OSBPL2: variants seen among roughly 807,000 people sequenced by gnomAD.
The protein encoded by OSBPL2 is oxysterol-binding protein-related protein 2.
Under a neutral mutation model 58.4 loss-of-function variants are expected in OSBPL2, and 18 were observed. The observed-to-expected ratio is 0.31, with a 90% confidence interval of 0.21 to 0.46. The LOEUF (loss-of-function observed/expected upper bound fraction) is 0.46, where lower values mean the gene tolerates loss of function less well. Ranked by LOEUF, OSBPL2 falls within the 20% of genes least tolerant of loss-of-function variation. The probability of loss-of-function intolerance (pLI) is 1.00; values close to 1 mark genes in which losing one functional copy is unlikely to be tolerated. For synonymous variants in OSBPL2, 221 were observed against 234.1 expected (o/e 0.94, Z 0.51); for missense variants, 461 against 616.5 (o/e 0.75, Z 2.67).
chr20:62,271,975 C>G, intron 4 of OSBPL2, 150 bp from the exon 5 acceptor site: 1 of 813,884 alleles, frequency 1.2e-6, no homozygotes, highest in Non-Finnish European at 2.0e-6. Context: ...GCCGATGGGG[C>G]AGGGAGTGGC....
At chr20:62,284,818 G>C (rs1395643812) in intron 10 of OSBPL2, 1 of 152,272 alleles carries the variant, frequency 6.6e-6, no homozygotes, top group Non-Finnish European at 1.5e-5. Flanking sequence ...TTTTCTGGAA[G>C]CTCCAAGTTC....
rs200341471 is a variant in OSBPL2, at chr20:62,291,805, G to A, written c.1340+12G>A. ...GAGTGGCAGACGAGGTGAGTACTGT[G>A]GTAGCCACGCAGGCTGGGGCAGCGG... is the stretch of plus-strand genomic sequence containing the variant. On this transcript the variant is annotated intron_variant, in intron 13 of 13. Coordinates refer to ENST00000313733, the MANE Select transcript of OSBPL2 (RefSeq NM_144498.4). 8.1e-6 allele frequency: 13 copies of A among 1,609,362 alleles called. No homozygotes were observed. Among genetic ancestry groups the A allele is most frequent in the African/African-American group, 1.3e-5 (1 of 74,988 alleles).
chr20:62,285,473 A>G (rs1983052893), intron 10 of OSBPL2: 1 of 152,200 alleles, frequency 6.6e-6, no homozygotes, highest in Non-Finnish European at 1.5e-5. Flanking sequence ...TTCTGGAATC[A>G]TTCCCTTTTC....
intron 3 of OSBPL2, among the ~76,000 whole-genome samples, chr20:62,263,047 G>T (rs1477332694): frequency 1.3e-5 from 2 of 152,296 alleles, no homozygotes; most frequent in African/African-American, 4.8e-5. Context: ...CAGGGCCCCG[G>T]GTCAGTGGTC....
At position 62,269,496 on chromosome 20, in the gene OSBPL2, G is replaced by A. The variant is rs1426266229; in HGVS notation, c.259-2629G>A. Among the ~76,000 whole-genome samples, 2 of 152,166 alleles carry A rather than the reference G, an allele frequency of 1.3e-5. No homozygotes were observed. Among genetic ancestry groups the A allele is most frequent in the Admixed American group, 1.3e-4 (2 of 15,284 alleles). On this transcript the variant is annotated intron_variant, in intron 4 of 13. Transcript: ENST00000313733. This position sits in a 1 kb window ranked among gnomAD's most constrained non-coding sequence, Gnocchi z 4.2. ...AGCAGCCGGGGGGCTTTCCCTGGGT[G>A]GGAGTTGCACACAGTTGCGATACCA...
At position 62,263,836 on chromosome 20, in the gene OSBPL2, T is replaced by C. The variant is rs554482290; in HGVS notation, c.258+145T>C. The C allele has an allele frequency of 5.4e-5, 37 of 680,932 alleles. No homozygotes were observed. In the East Asian group the frequency reaches 6.1e-4, roughly 11 times the overall value. 42.2% of individuals were successfully genotyped at this position (680,932 alleles called of 1,614,324 possible). ...ATCTCAGCACTTTGGGAGGCCGAGG[T>C]GGGCGGATCACGAGGTCAGGAGATC... On this transcript the variant is annotated intron_variant, in intron 4 of 13. Transcript: ENST00000313733.
intron 5 of OSBPL2, 102 bp downstream of exon 5, chr20:62,272,361 A>C: frequency 7.7e-7 from 1 of 1,300,290 alleles, no homozygotes; most frequent in South Asian, 1.3e-5. Context: ...GAGGACTCGC[A>C]CAGCTCCCCC....
At chr20:62,261,171 C>T (rs954113420) in intron 3 of OSBPL2, among the ~76,000 whole-genome samples, 2 of 152,018 alleles carry the variant, frequency 1.3e-5, no homozygotes, top group African/African-American at 4.8e-5. Context: ...AAAAAATTAG[C>T]TGGGCGTGGC....
In OSBPL2 at chr20:62,294,901, C is replaced by G. The variant is rs1055286565; in HGVS notation, c.*1014C>G. 6.6e-6 allele frequency: 1 copy of G among 151,898 alleles called. No individual in the cohort carries two copies. Among genetic ancestry groups the G allele is most frequent in the African/African-American group, 2.4e-5 (1 of 41,358 alleles). 9.4% of individuals were successfully genotyped at this position (151,898 alleles called of 1,614,324 possible). A position where few individuals can be genotyped will look rare whatever the true frequency, so the allele number is the denominator to read the frequency against. On this transcript the variant is annotated 3_prime_UTR_variant, in exon 14 of 14. Coordinates refer to ENST00000313733, the MANE Select transcript of OSBPL2 (RefSeq NM_144498.4). ...TATTTAACCAAAAATAGGTATGTGT[C>G]CATCTCAGCATTCACCTTTATCAAG...
At chr20:62,271,996 G>T in intron 4 of OSBPL2, 129 bp from the exon 5 acceptor site, 3 of 1,091,740 alleles carry the variant, frequency 2.7e-6, no homozygotes, top group Non-Finnish European at 2.7e-6. Context: ...TCACCCATGG[G>T]GGGTTTGAAG....
intron 10 of OSBPL2, chr20:62,284,931 G>A (rs1284287544): frequency 6.6e-6 from 1 of 152,240 alleles, no homozygotes; most frequent in Non-Finnish European, 1.5e-5. Flanking sequence ...GTGAGTACCA[G>A]ATAATATATT....
intron 6 of OSBPL2, chr20:62,278,694 G>T: frequency 5.6e-6 from 1 of 178,308 alleles, no homozygotes; most frequent in South Asian, 8.2e-5. Flanking sequence ...GTTTGTGTGT[G>T]TGTGTCTGTT....
intron 1 of OSBPL2, among the ~76,000 whole-genome samples, chr20:62,243,241 T>C (rs1279146997): frequency 6.6e-6 from 1 of 152,222 alleles, no homozygotes; most frequent in Admixed American, 6.5e-5. Context: ...GTGCCCTGGC[T>C]CTGGCTTGGC....
chr20:62,290,421 T>C (rs964667133), intron 12 of OSBPL2, among the ~76,000 whole-genome samples: 1 of 136,230 alleles, frequency 7.3e-6, no homozygotes, highest in African/African-American at 2.8e-5. Flanking sequence ...GTTTTTTTTT[T>C]TTTTTTTTTT....
chr20:62,278,284 T>TGC (rs1273887098), intron 6 of OSBPL2: 1 of 153,870 alleles, frequency 6.5e-6, no homozygotes, highest in African/African-American at 2.5e-5. Flanking sequence ...TTTGTGTGTG[T>TGC]GTCTGTTGCC....
intron 1 of OSBPL2, among the ~76,000 whole-genome samples, chr20:62,243,439 C>CCTGCCCCGCAGCGCCTGCCCCGCAGCG (rs1568821327): frequency 4.2e-5 from 6 of 142,364 alleles, no homozygotes; most frequent in Admixed American, 6.9e-5. Flanking sequence ...GCCCCGCAGC[C>CCTGCCCCGCAGCGCCTGCCCCGCAGCG]CCTGCCCCGC....
At position 62,286,621 on chromosome 20, in the gene OSBPL2, C is replaced by T. The variant is rs200992668; in HGVS notation, c.1035C>T (p.Asp345=). ...DSGKADSDVA[D]DVPVAQETVQ... ...GGAAGGCTGACAGCGACGTGGCTGA[C>T]GACGTGCCTGTGGCCCAGGAGACCG... is the stretch of plus-strand genomic sequence containing the variant. Residue 345 remains aspartate, a synonymous_variant, in exon 11 of 14, where the codon GAC becomes GAT. Coordinates refer to ENST00000313733, the MANE Select transcript of OSBPL2 (RefSeq NM_144498.4). 1.5e-4 allele frequency: 245 copies of T among 1,613,700 alleles called. 1 individual carries two copies. Among genetic ancestry groups the T allele is most frequent in the East Asian group, 7.8e-4 (35 of 44,878 alleles).
intron 1 of OSBPL2, among the ~76,000 whole-genome samples, chr20:62,253,137 G>T (rs895488414): frequency 1.3e-5 from 2 of 152,278 alleles, no homozygotes; most frequent in Non-Finnish European, 2.9e-5. Flanking sequence ...GGGGTTCAGT[G>T]CCTGGATGTG....
chr20:62,286,702 C>T lies in OSBPL2; in HGVS notation c.1116C>T (p.Asn372=), dbSNP rs1278866654. The T allele has an allele frequency of 6.2e-7, 1 of 1,612,420 alleles. No homozygotes were observed. Among genetic ancestry groups the T allele is most frequent in the East Asian group, 2.2e-5 (1 of 44,872 alleles). ...GGAGGATCAACACCCGGCCCCCCAA[C>T]TCTGCCCAGGTCTGTGTCCCTCCAT... ...LLWRINTRPP[N]SAQMYNFTSF... is the part of the protein sequence containing the mutation. The change falls in exon 11 of 14, where the codon AAC becomes AAT. Residue 372 remains asparagine, a synonymous_variant. Transcript: ENST00000313733.
Sources: allele counts gnomAD v4.1 joint callset (sites outside exome capture counted in the v4.1 genomes callset), GRCh38; gene constraint gnomAD v4.1.1; non-coding constraint Gnocchi (gnomAD v3.1); transcripts MANE v1.5; gene names NCBI Gene and HGNC (gene_info 2026-07-23, HGNC 2026-07-21).